CEP192: variants seen among roughly 807,000 people sequenced by gnomAD.
The protein encoded by CEP192 is centrosomal protein of 192 kDa.
CEP192 carries 151 observed loss-of-function variants against 271.8 expected under a neutral mutation model. That is an observed-to-expected ratio of 0.56 (90% CI 0.49 to 0.64). The LOEUF (loss-of-function observed/expected upper bound fraction) is 0.64, where lower values mean the gene tolerates loss of function less well. Ranked by LOEUF, CEP192 falls within the 30% of genes least tolerant of loss-of-function variation. The pLI, the probability that CEP192 is intolerant of heterozygous loss-of-function variation, is 0.00. For synonymous variants in CEP192, 995 were observed against 1,076.5 expected (o/e 0.92, Z 1.48); for missense variants, 2,910 against 3,020.5 (o/e 0.96, Z 0.86).
chr18:13,071,110 CA>C lies in CEP192; in HGVS notation c.5247del (p.Gly1750GlufsTer11). 2 of 1,613,922 alleles carry C rather than the reference CA, an allele frequency of 1.2e-6. No individual in the cohort carries two copies. The highest frequency in any genetic ancestry group is 1.7e-6 in the Non-Finnish European group (2 of 1,179,776). On this transcript the variant is annotated frameshift_variant, in exon 28 of 45. Coordinates refer to ENST00000506447, the MANE Select transcript of CEP192 (RefSeq NM_032142.4). LOFTEE classifies it high-confidence loss of function. ...GTGTTAAAAGGCGAAGTCATTTCTT[CA>C]GGAAGTAAACCTCTGTCACCTGGAC... Reference protein sequence around the residue: ...EVVLKGEVISSGSKPLSPGPC... With the variant: ...EVVLKGEVISXGSKPLSPGPC...
intron 40 of CEP192, among the ~76,000 whole-genome samples, chr18:13,107,210 T>C (rs2039995743): frequency 6.6e-6 from 1 of 152,104 alleles, no homozygotes; most frequent in Admixed American, 6.5e-5. Context: ...TAAAATTAAT[T>C]CCAGAGTTGG....
At chr18:13,047,849 C>T (rs2036566662) in intron 15 of CEP192, among the ~76,000 whole-genome samples, 1 of 152,168 alleles carries the variant, frequency 6.6e-6, no homozygotes, top group African/African-American at 2.4e-5. Flanking sequence ...CACAATGACT[C>T]AGTGGCTTTT....
At position 13,087,128 on chromosome 18, in the gene CEP192, A is replaced by G. The variant is rs1254678402; in HGVS notation, c.5728A>G (p.Lys1910Glu). Residue 1910 changes from lysine to glutamate, a missense_variant, in exon 31 of 45, where the codon AAA becomes GAA. Lys to Glu is a moderately conservative substitution (Grantham distance 56). Coordinates refer to ENST00000506447, the MANE Select transcript of CEP192 (RefSeq NM_032142.4). ...TGGCTTAGTACCTGGCAAAGAAAGT[A>G]AAATTGTTTTTTCTGTCCGCAACAC... The part of the protein sequence containing the change: ...VNGLVPGKES[K>E]IVFSVRNTGS... The G allele has an allele frequency of 1.2e-6, 2 of 1,614,032 alleles. No homozygotes were observed. Among genetic ancestry groups the G allele is most frequent in the African/African-American group, 1.3e-5 (1 of 74,946 alleles).
chr18:13,110,176 A>T (rs1031172587), intron 40 of CEP192, among the ~76,000 whole-genome samples: 1 of 152,272 alleles, frequency 6.6e-6, no homozygotes, highest in Admixed American at 6.5e-5. Context: ...AAACAGAAAA[A>T]CTAATTTAGA....
rs1371787953 is a variant in CEP192, at chr18:13,001,580, T to C, written c.288T>C (p.Asp96=). Residue 96 remains aspartate, a splice_region_variant and synonymous_variant, in exon 3 of 45, where the codon GAT becomes GAC. Coordinates refer to ENST00000506447, the MANE Select transcript of CEP192 (RefSeq NM_032142.4). Reference sequence around the variant, plus strand: ...GGTTACAGCTTAGCTTCCAGGATGATGAGTAAGTTCATACCTTCATTTGCT... The same window carrying C: ...GGTTACAGCTTAGCTTCCAGGATGACGAGTAAGTTCATACCTTCATTTGCT... ...RERLQLSFQD[D]DSISRKKSYV... 1.9e-6 allele frequency: 3 copies of C among 1,546,326 alleles called. No individual in the cohort carries two copies. The highest frequency in any genetic ancestry group is 4.0e-5 in the Admixed American group (2 of 50,084).
At position 13,049,831 on chromosome 18, in the gene CEP192, C is replaced by T; in HGVS notation, c.2957C>T (p.Pro986Leu). 2 of 1,613,944 alleles carry T rather than the reference C, an allele frequency of 1.2e-6. No homozygotes were observed. Among genetic ancestry groups the T allele is most frequent in the Non-Finnish European group, 1.7e-6 (2 of 1,179,836 alleles). ...GSEDEQESFR[P>L]STSPLSHSSP... ...GAGGATGAGCAGGAGAGCTTCAGAC[C>T]TTCCACGTCACCACTGAGTCATTCT... The change falls in exon 17 of 45, where the codon CCT becomes CTT. Residue 986 changes from proline (P) to leucine (L), a missense_variant. Pro to Leu is a moderately conservative substitution (Grantham distance 98). Coordinates refer to ENST00000506447, the MANE Select transcript of CEP192 (RefSeq NM_032142.4).
At chr18:13,053,826 A>G (rs1475783403) in intron 18 of CEP192, among the ~76,000 whole-genome samples, 1 of 152,060 alleles carries the variant, frequency 6.6e-6, no homozygotes, top group African/African-American at 2.4e-5. Context: ...AGTAGCTGGG[A>G]CTACAGGTGT....
chr18:13,068,464 C>A, intron 24 of CEP192, 42 bp downstream of exon 24: 1 of 1,357,388 alleles, frequency 7.4e-7, no homozygotes, highest in Non-Finnish European at 1.0e-6. Flanking sequence ...TAATCTGTAG[C>A]TAGATAAACT....
In CEP192 at chr18:13,049,904, C is replaced by T. The variant is rs2036684590; in HGVS notation, c.3017+13C>T. The T allele has an allele frequency of 6.3e-7, 1 of 1,596,838 alleles. No individual in the cohort carries two copies. The highest frequency in any genetic ancestry group is 1.4e-5 in the African/African-American group (1 of 73,132). On this transcript the variant is annotated intron_variant, in intron 17 of 44. Coordinates refer to ENST00000506447, the MANE Select transcript of CEP192 (RefSeq NM_032142.4). Reference sequence around the variant, plus strand: ...CGAGTTCATCAGGGTAAGTGTGTACCTTCTTTTTTAAAAAATAAAAATATG... The same window carrying T: ...CGAGTTCATCAGGGTAAGTGTGTACTTTCTTTTTTAAAAAATAAAAATATG...
intron 40 of CEP192, among the ~76,000 whole-genome samples, chr18:13,108,281 A>G (rs1160885085): frequency 6.6e-6 from 1 of 152,230 alleles, no homozygotes; most frequent in Non-Finnish European, 1.5e-5. Flanking sequence ...AATTGTAATA[A>G]AAAAACACAA....
chr18:13,065,694 C>T lies in CEP192; in HGVS notation c.4489-2137C>T, dbSNP rs181786155. ...GGCTTTACAAGTTATATTCCATGCA[C>T]TCTTTGGACAGAGTTCTAAAAGAGC... On this transcript the variant is annotated intron_variant, in intron 21 of 44. Coordinates refer to ENST00000506447, the MANE Select transcript of CEP192 (RefSeq NM_032142.4). 2.9e-3 allele frequency among the ~76,000 whole-genome samples: 445 copies of T among 152,326 alleles called. 1 individual carries two copies. The highest frequency in any genetic ancestry group is 4.9e-3 in the Non-Finnish European group (330 of 68,028).
At chr18:13,057,821 C>G (rs1163947745) in intron 20 of CEP192, 88 bp downstream of exon 20, 1 of 1,260,328 alleles carries the variant, frequency 7.9e-7, no homozygotes, top group Non-Finnish European at 1.1e-6. Flanking sequence ...TAGGTTCTCC[C>G]TTCACGCCTT....
chr18:13,053,024 G>A lies in CEP192; in HGVS notation c.3123G>A (p.Thr1041=), dbSNP rs940502075. The A allele has an allele frequency of 5.0e-6, 8 of 1,613,802 alleles. No homozygotes were observed. Among genetic ancestry groups the A allele is most frequent in the South Asian group, 2.2e-5 (2 of 91,068 alleles). ...VCSPAGVSRL[T]YVSEPESSYP... is the part of the protein sequence containing the mutation. ...CGCCTGCTGGGGTGAGCAGGCTGACGTATGTGTCTGAACCAGAGAGCTCCT... is the reference window on the plus strand; with the variant it reads ...CGCCTGCTGGGGTGAGCAGGCTGACATATGTGTCTGAACCAGAGAGCTCCT... The change falls in exon 18 of 45, where the codon ACG becomes ACA. Residue 1041 remains threonine, a synonymous_variant. Transcript: ENST00000506447.
chr18:13,094,266 A>G (rs1292823141), intron 34 of CEP192, among the ~76,000 whole-genome samples: 1 of 152,214 alleles, frequency 6.6e-6, no homozygotes, highest in Admixed American at 6.5e-5. Context: ...CTTGTTCCTC[A>G]TCAAACTGTG....
At chr18:13,092,597 TTTCCTGTAC>T (rs1294662269) in intron 34 of CEP192, 70 bp downstream of exon 34, 24 of 1,075,824 alleles carry the variant, frequency 2.2e-5, no homozygotes, top group Non-Finnish European at 2.6e-5. Context: ...GCTGATCTTT[TTTCCTGTAC>T]TTCACTATTA....
intron 1 of CEP192, among the ~76,000 whole-genome samples, chr18:12,997,358 G>C (rs1049282783): frequency 6.6e-6 from 1 of 152,146 alleles, no homozygotes; most frequent in African/African-American, 2.4e-5. Context: ...TAAGGATTTC[G>C]TGGGGCGGCA....
intron 11 of CEP192, among the ~76,000 whole-genome samples, chr18:13,032,506 T>G (rs1598412372): frequency 6.6e-6 from 1 of 152,192 alleles, no homozygotes; most frequent in East Asian, 1.9e-4. Context: ...ATTTATCACT[T>G]AAAAGATCAT....
chr18:13,042,165 G>A (rs1362778860), intron 14 of CEP192, 39 bp from the exon 15 acceptor site: 5 of 1,563,758 alleles, frequency 3.2e-6, no homozygotes, highest in Non-Finnish European at 4.4e-6. Flanking sequence ...TTGTCAAATA[G>A]TGTATACTTA....
intron 17 of CEP192, 59 bp from the exon 18 acceptor site, chr18:13,052,860 C>T (rs556700755): frequency 1.5e-6 from 2 of 1,336,548 alleles, no homozygotes; most frequent in South Asian, 2.0e-5. Flanking sequence ...TGGTTTTTTG[C>T]TAATGTAGAT....
Sources: allele counts gnomAD v4.1 joint callset (sites outside exome capture counted in the v4.1 genomes callset), GRCh38; gene constraint gnomAD v4.1.1; transcripts MANE v1.5; gene names NCBI Gene and HGNC (gene_info 2026-07-23, HGNC 2026-07-21).